ATF6: variants seen among roughly 807,000 people sequenced by gnomAD.
The protein encoded by ATF6 is cyclic AMP-dependent transcription factor ATF-6 alpha.
Under a neutral mutation model 83.6 loss-of-function variants are expected in ATF6, and 53 were observed. The ratio of observed to expected loss-of-function variants is 0.63; its 90% CI spans 0.51 to 0.80. ATF6 has a LOEUF of 0.80. ATF6 is among the 30% of genes least tolerant of loss of function. ATF6 has a pLI of 0.00. For missense variants in ATF6, 744 were observed against 797.9 expected, an observed-to-expected ratio of 0.93 and a Z score of 0.81; for synonymous variants, 288 against 285.8, an observed-to-expected ratio of 1.01 and a Z score of -0.08.
chr1:161,850,577 A>C (rs932917645), intron 10 of ATF6, among the ~76,000 whole-genome samples: 2 of 152,150 alleles, frequency 1.3e-5, no homozygotes, highest in African/African-American at 2.4e-5. Context: ...TATTTGGTCC[A>C]TCTTCCCCAT....
At position 161,789,252 on chromosome 1, in the gene ATF6, CT is replaced by C. The variant is rs71755584; in HGVS notation, c.355-2130del. Reference sequence around the variant, plus strand: ...TAAATAATATGTCTTATTCCTTCTCCTTTTTTTTTTTTTTTTTTTTTTTTTT... The same window carrying C: ...TAAATAATATGTCTTATTCCTTCTCCTTTTTTTTTTTTTTTTTTTTTTTTT... On this transcript the variant is annotated intron_variant, in intron 4 of 15. Transcript: ENST00000367942. Among the ~76,000 whole-genome samples, 795 of 101,318 alleles carry C rather than the reference CT, an allele frequency of 7.8e-3. 10 individuals carry two copies. The highest frequency in any genetic ancestry group is 0.035 in the African/African-American group (706 of 20,016). The allele number at this position is 101,318 out of a possible 152,430, so 66.5% of individuals were successfully genotyped here. A position where few individuals can be genotyped will look rare whatever the true frequency, so the allele number is the denominator to read the frequency against.
intron 15 of ATF6, among the ~76,000 whole-genome samples, chr1:161,950,561 A>G (rs1213806560): frequency 1.3e-5 from 2 of 152,188 alleles, no homozygotes; most frequent in Non-Finnish European, 2.9e-5. Context: ...TTTCTAGTAC[A>G]TGGTGCCAGT....
chr1:161,893,114 T>C lies in ATF6; in HGVS notation c.1720-19182T>C, dbSNP rs139758188. Among the ~76,000 whole-genome samples, 5 of 152,344 alleles carry C rather than the reference T, an allele frequency of 3.3e-5. No homozygotes were observed. In the East Asian group the frequency reaches 9.6e-4, roughly 29 times the overall value. On this transcript the variant is annotated intron_variant, in intron 14 of 15. Coordinates refer to ENST00000367942, the MANE Select transcript of ATF6 (RefSeq NM_007348.4). ...CACTGTGAGTCTATTCTAACCTATG[T>C]AGATTAGAAAAATCATACACTGGTT... is the stretch of plus-strand genomic sequence containing the variant.
intron 7 of ATF6, among the ~76,000 whole-genome samples, chr1:161,802,724 C>A (rs1685186984): frequency 6.6e-6 from 1 of 152,128 alleles, no homozygotes. Flanking sequence ...GAAGTATTTT[C>A]ACCACTTCAT....
intron 14 of ATF6, among the ~76,000 whole-genome samples, chr1:161,874,750 C>T (rs1459521033): frequency 2.0e-5 from 3 of 151,558 alleles, no homozygotes; most frequent in Admixed American, 6.6e-5. Flanking sequence ...GAGGTAGGAG[C>T]AATATGAACT....
chr1:161,843,730 G>A (rs1001328370), intron 9 of ATF6, among the ~76,000 whole-genome samples: 2 of 152,112 alleles, frequency 1.3e-5, no homozygotes, highest in Non-Finnish European at 2.9e-5. Flanking sequence ...TTTGACCTAG[G>A]TGGTATTTCA....
intron 7 of ATF6, 45 bp downstream of exon 7, chr1:161,802,317 A>C (rs1195311922): frequency 1.3e-6 from 2 of 1,552,730 alleles, no homozygotes; most frequent in Non-Finnish European, 1.8e-6. Context: ...TGATTTAAAA[A>C]CCAACAAAAA....
intron 1 of ATF6, among the ~76,000 whole-genome samples, chr1:161,777,823 G>A (rs769123832): frequency 4.6e-5 from 7 of 152,110 alleles, no homozygotes; most frequent in African/African-American, 9.7e-5. Flanking sequence ...TAACAAATAC[G>A]CAGTGTGTAT....
At chr1:161,912,048 G>A (rs1446869916) in intron 14 of ATF6, among the ~76,000 whole-genome samples, 1 of 152,124 alleles carries the variant, frequency 6.6e-6, no homozygotes, top group Non-Finnish European at 1.5e-5. Flanking sequence ...CATATGTGTT[G>A]TAAAAACCTA....
intron 14 of ATF6, among the ~76,000 whole-genome samples, chr1:161,878,759 TGAA>T (rs967388732): frequency 1.2e-4 from 19 of 152,206 alleles, no homozygotes; most frequent in Admixed American, 7.2e-4. Flanking sequence ...TTAGATAAGA[TGAA>T]GGATTGGTTT....
At chr1:161,783,034 G>T (rs1323700264) in intron 3 of ATF6, among the ~76,000 whole-genome samples, 3 of 152,134 alleles carry the variant, frequency 2.0e-5, no homozygotes, top group Non-Finnish European at 4.4e-5. Flanking sequence ...GGCACCTGGG[G>T]TGGAATGACT....
At chr1:161,774,774 A>G (rs901892694) in intron 1 of ATF6, among the ~76,000 whole-genome samples, 2 of 152,206 alleles carry the variant, frequency 1.3e-5, no homozygotes, top group African/African-American at 4.8e-5. Context: ...AAAGTTTGCC[A>G]TCTGTTTCAA....
intron 15 of ATF6, among the ~76,000 whole-genome samples, chr1:161,923,167 C>T (rs963849861): frequency 2.6e-5 from 4 of 152,114 alleles, no homozygotes; most frequent in African/African-American, 9.7e-5. Context: ...AACCACCTCT[C>T]ATTTATGGCT....
chr1:161,837,740 G>T (rs1686258518), intron 9 of ATF6, among the ~76,000 whole-genome samples: 1 of 152,066 alleles, frequency 6.6e-6, no homozygotes, highest in South Asian at 2.1e-4. Flanking sequence ...TTGGCTATGG[G>T]TTGATACCAT....
At chr1:161,906,354 G>A (rs914204495) in intron 14 of ATF6, among the ~76,000 whole-genome samples, 3 of 152,168 alleles carry the variant, frequency 2.0e-5, no homozygotes, top group Non-Finnish European at 4.4e-5. Context: ...AAACCATTTT[G>A]ACCAAGAAAC....
chr1:161,895,516 C>T (rs1465451629), intron 14 of ATF6, among the ~76,000 whole-genome samples: 3 of 152,164 alleles, frequency 2.0e-5, no homozygotes, highest in Non-Finnish European at 4.4e-5. Context: ...ATAACAGATA[C>T]ATCCATTCCC....
intron 15 of ATF6, among the ~76,000 whole-genome samples, chr1:161,924,787 T>C (rs1688278260): frequency 6.6e-6 from 1 of 152,182 alleles, no homozygotes; most frequent in South Asian, 2.1e-4. Context: ...CTTGGCATCA[T>C]TATGGTATGG....
intron 15 of ATF6, among the ~76,000 whole-genome samples, chr1:161,934,254 A>G (rs1469162230): frequency 2.6e-5 from 4 of 152,186 alleles, no homozygotes; most frequent in Non-Finnish European, 5.9e-5. Flanking sequence ...ACCTTCCTCC[A>G]TCCTCCTCTA....
chr1:161,915,684 C>T (rs762017903), intron 15 of ATF6, among the ~76,000 whole-genome samples: 23 of 151,440 alleles, frequency 1.5e-4, no homozygotes, highest in African/African-American at 4.6e-4. Context: ...GGTACAATGG[C>T]GTGACCCATG....
Sources: allele counts gnomAD v4.1 joint callset (sites outside exome capture counted in the v4.1 genomes callset), GRCh38; gene constraint gnomAD v4.1.1; transcripts MANE v1.5; gene names NCBI Gene and HGNC (gene_info 2026-07-23, HGNC 2026-07-21).